Variants in PHKB observed in about 807,000 individuals in gnomAD.
PHKB encodes the protein phosphorylase b kinase regulatory subunit beta.
In PHKB, 122 loss-of-function variants were observed where a neutral mutation model predicts 152.1. The ratio of observed to expected loss-of-function variants is 0.80; its 90% CI spans 0.69 to 0.93. The LOEUF (loss-of-function observed/expected upper bound fraction) is 0.93. PHKB is among the 40% of genes least tolerant of loss of function. PHKB has a pLI of 0.00. For synonymous variants in PHKB, 436 were observed against 464.9 expected (o/e 0.94, Z 0.80); for missense variants, 1,304 against 1,328.4 (o/e 0.98, Z 0.29).
At chr16:47,563,994 C>CTTTTTTTT (rs899061752) in intron 7 of PHKB, among the ~76,000 whole-genome samples, 1 of 82,032 alleles carries the variant, frequency 1.2e-5, no homozygotes, top group Non-Finnish European at 2.6e-5. Flanking sequence ...TTATTTCATT[C>CTTTTTTTT]TTTTTTTTTT....
chr16:47,584,618 T>C (rs1971905004), intron 8 of PHKB, among the ~76,000 whole-genome samples: 1 of 152,182 alleles, frequency 6.6e-6, no homozygotes, highest in Admixed American at 6.5e-5. Context: ...AGAAGGGAAA[T>C]TCCTATCAGT....
At chr16:47,542,574 T>A (rs1971079731) in intron 6 of PHKB, among the ~76,000 whole-genome samples, 1 of 152,218 alleles carries the variant, frequency 6.6e-6, no homozygotes, top group Non-Finnish European at 1.5e-5. Context: ...GCATTGAATC[T>A]ATGAATTACC....
At chr16:47,693,910 A>G (rs1383511592) in intron 28 of PHKB, among the ~76,000 whole-genome samples, 1 of 152,168 alleles carries the variant, frequency 6.6e-6, no homozygotes, top group Non-Finnish European at 1.5e-5. Flanking sequence ...AGTTTCCTAT[A>G]TTGGCTTTAC....
At chr16:47,536,640 A>G (rs1396811763) in intron 6 of PHKB, among the ~76,000 whole-genome samples, 1 of 152,222 alleles carries the variant, frequency 6.6e-6, no homozygotes, top group Non-Finnish European at 1.5e-5. Flanking sequence ...TTTTTGCAGT[A>G]AGATGTATAC....
chr16:47,532,221 C>T (rs1479559016), intron 6 of PHKB, among the ~76,000 whole-genome samples: 1 of 152,210 alleles, frequency 6.6e-6, no homozygotes, highest in Admixed American at 6.5e-5. Context: ...TGATAATTCT[C>T]TGCCCTCTTG....
Position 47,473,218 on chromosome 16 carries a change from ATT to A in PHKB, c.76+11825_76+11826del, listed in dbSNP as rs1043960499. ...AGGTGTGCACTACCATGCCTGGCTA[ATT>A]TTTTTTTTTTTTTTTTTTTTTTTTT... On this transcript the variant is annotated intron_variant, in intron 1 of 30. Transcript: ENST00000323584. 2.3e-4 allele frequency among the ~76,000 whole-genome samples: 11 copies of A among 48,760 alleles called. No homozygotes were observed. In the East Asian group the frequency reaches 2.3e-3, roughly 10 times the overall value. The allele number at this position is 48,760 out of a possible 152,430, so 32.0% of individuals were successfully genotyped here. A position where few individuals can be genotyped will look rare whatever the true frequency, so the allele number is the denominator to read the frequency against.
In PHKB at chr16:47,495,510, G is replaced by A. The variant is rs538593045; in HGVS notation, c.77-1889G>A. Among the ~76,000 whole-genome samples, 5 of 152,052 alleles carry A rather than the reference G, an allele frequency of 3.3e-5. No homozygotes were observed. In the East Asian group the frequency reaches 9.7e-4, roughly 29 times the overall value. On this transcript the variant is annotated intron_variant, in intron 1 of 30. Coordinates refer to ENST00000323584, the MANE Select transcript of PHKB (RefSeq NM_000293.3). Reference sequence around the variant, plus strand: ...CTAAATAAAAACAGAAATGTTACCCGCAATTCTTCCACCTCAGCAAAGGTG... The same window carrying A: ...CTAAATAAAAACAGAAATGTTACCCACAATTCTTCCACCTCAGCAAAGGTG...
chr16:47,623,578 T>C (rs1972656309), intron 14 of PHKB, among the ~76,000 whole-genome samples: 1 of 144,538 alleles, frequency 6.9e-6, no homozygotes, highest in African/African-American at 2.7e-5. Context: ...TTTTTTTTTT[T>C]CTTGAGACGG....
chr16:47,690,831 AC>A, intron 27 of PHKB, among the ~76,000 whole-genome samples: 1 of 152,286 alleles, frequency 6.6e-6, no homozygotes, highest in South Asian at 2.1e-4. Context: ...CAGTGGAGAA[AC>A]CCAGCTGACT....
At chr16:47,527,736 A>G (rs566071001) in intron 6 of PHKB, among the ~76,000 whole-genome samples, 19 of 152,314 alleles carry the variant, frequency 1.2e-4, no homozygotes, top group Admixed American at 1.1e-3. Context: ...TTAAAGAGGT[A>G]AATTAAAATG....
At chr16:47,506,074 C>G (rs985743793) in intron 4 of PHKB, among the ~76,000 whole-genome samples, 1 of 149,048 alleles carries the variant, frequency 6.7e-6, no homozygotes, top group Non-Finnish European at 1.5e-5. Flanking sequence ...AAATAATAAG[C>G]TGGGCATGAT....
intron 18 of PHKB, among the ~76,000 whole-genome samples, chr16:47,650,120 T>A (rs13332637): frequency 0.013 from 2,022 of 152,106 alleles, 53 homozygotes; most frequent in African/African-American, 0.046. Flanking sequence ...TAGGCTTTTT[T>A]AAAAAAGGAG....
chr16:47,538,083 C>T lies in PHKB; in HGVS notation c.595-9350C>T, dbSNP rs149448414. Among the ~76,000 whole-genome samples, 1,145 of 152,066 alleles carry T rather than the reference C, an allele frequency of 7.5e-3. 19 individuals are homozygous for T. Among genetic ancestry groups the T allele is most frequent in the African/African-American group, 0.026 (1,085 of 41,484 alleles). On this transcript the variant is annotated intron_variant, in intron 6 of 30. Coordinates refer to ENST00000323584, the MANE Select transcript of PHKB (RefSeq NM_000293.3). ...AATTTTTTAATTTTTTTTGTACAGA[C>T]AGTGTCTTGCTATGTTGCCTAGGCT...
intron 11 of PHKB, 123 bp downstream of exon 11, chr16:47,593,680 C>T (rs529560761): frequency 4.6e-5 from 32 of 699,276 alleles, no homozygotes; most frequent in Middle Eastern, 2.9e-4. Context: ...AAATAGACTG[C>T]GCTTCAGTGA....
At chr16:47,534,684 G>C (rs910798190) in intron 6 of PHKB, among the ~76,000 whole-genome samples, 2 of 152,180 alleles carry the variant, frequency 1.3e-5, no homozygotes, top group African/African-American at 4.8e-5. Context: ...CCAAGGGAAA[G>C]GTGATAACAT....
chr16:47,671,987 T>G (rs1973646092), intron 26 of PHKB, among the ~76,000 whole-genome samples: 1 of 152,138 alleles, frequency 6.6e-6, no homozygotes, highest in African/African-American at 2.4e-5. Context: ...ATCTGTGTAA[T>G]GTATGTGTGC....
chr16:47,499,775 G>C lies in PHKB; in HGVS notation c.186G>C (p.Leu62=), dbSNP rs760973922. ...TTGCAGTCAAGTCAACATTGCTGCTGTATCAAAGTCCAACTACCGGTCTCT... is the reference window on the plus strand; with the variant it reads ...TTGCAGTCAAGTCAACATTGCTGCTCTATCAAAGTCCAACTACCGGTCTCT... The part of the protein sequence containing the change: ...YYRIVKSTLL[L]YQSPTTGLFP... The change falls in exon 3 of 31, where the codon CTG becomes CTC. Residue 62 remains leucine, a synonymous_variant. Transcript: ENST00000323584. The C allele has an allele frequency of 1.9e-6, 3 of 1,614,194 alleles. No individual in the cohort carries two copies. The Admixed American group carries it at 5.0e-5, about 27-fold the overall frequency.
chr16:47,577,479 T>C (rs1331888519), intron 7 of PHKB, among the ~76,000 whole-genome samples: 1 of 152,134 alleles, frequency 6.6e-6, no homozygotes, highest in Non-Finnish European at 1.5e-5. Context: ...ATATATGTTT[T>C]TTCCTCTTTT....
At position 47,587,760 on chromosome 16, in the gene PHKB, A is replaced by G. The variant is rs1012764692; in HGVS notation, c.867A>G (p.Ser289=). The change falls in exon 9 of 31, where the codon TCA becomes TCG. Residue 289 remains serine, a synonymous_variant. Transcript: ENST00000323584. Reference sequence around the variant, plus strand: ...CGCTGTTACCCAGAGAATCAAGATCACATGTGAGACATTTAATAATGATAA... The same window carrying G: ...CGCTGTTACCCAGAGAATCAAGATCGCATGTGAGACATTTAATAATGATAA... ...LCSLLPRESR[S]HNTDAALLPC... 1.3e-6 allele frequency: 2 copies of G among 1,591,054 alleles called. No individual in the cohort carries two copies. The highest frequency in any genetic ancestry group is 1.7e-6 in the Non-Finnish European group (2 of 1,159,134).
Sources: allele counts gnomAD v4.1 joint callset (sites outside exome capture counted in the v4.1 genomes callset), GRCh38; gene constraint gnomAD v4.1.1; transcripts MANE v1.5; gene names NCBI Gene and HGNC (gene_info 2026-07-23, HGNC 2026-07-21).